Variants in ARB2A observed in about 807,000 individuals in gnomAD.
ARB2A encodes ARB2 cotranscriptional regulator A, also known as cotranscriptional regulator ARB2A.
At chr5:94,073,722 G>A in the ARB2A span, among the ~76,000 whole-genome samples, 31 of 152,060 alleles carry the variant, frequency 2.0e-4, no homozygotes, top group Non-Finnish European at 3.5e-4. Flanking sequence ...TATTCTGAGC[G>A]TGCTGGATCC....
At chr5:93,794,192 T>C in the ARB2A span, among the ~76,000 whole-genome samples, 1 of 152,092 alleles carries the variant, frequency 6.6e-6, no homozygotes, top group Non-Finnish European at 1.5e-5. Context: ...AGTTCTTTCT[T>C]CTGCTTGTTT....
the ARB2A span, among the ~76,000 whole-genome samples, chr5:94,021,895 C>T: frequency 7.9e-5 from 12 of 152,098 alleles, no homozygotes; most frequent in Non-Finnish European, 1.8e-4. Flanking sequence ...ATGGGAAAAC[C>T]CCATCTCTAC....
At chr5:93,927,491 C>T in the ARB2A span, among the ~76,000 whole-genome samples, 1 of 152,128 alleles carries the variant, frequency 6.6e-6, no homozygotes, top group Non-Finnish European at 1.5e-5. Context: ...CTTCTCTGCT[C>T]CTCAGTACCG....
the ARB2A span, among the ~76,000 whole-genome samples, chr5:93,889,114 A>G: frequency 6.3e-4 from 95 of 151,876 alleles, no homozygotes; most frequent in East Asian, 0.017. Flanking sequence ...GGGAAATGTG[A>G]AAAGGAAAAA....
the ARB2A span, among the ~76,000 whole-genome samples, chr5:93,876,950 CAACT>C: frequency 6.6e-6 from 1 of 152,004 alleles, no homozygotes; most frequent in Non-Finnish European, 1.5e-5. Context: ...TAGGCAACAC[CAACT>C]ATCTTACATA....
chr5:93,829,789 A>G, the ARB2A span, among the ~76,000 whole-genome samples: 1 of 152,208 alleles, frequency 6.6e-6, no homozygotes, highest in South Asian at 2.1e-4. Flanking sequence ...TTGATAATTT[A>G]TCTTTCATTA....
chr5:93,956,813 C>T, the ARB2A span, among the ~76,000 whole-genome samples: 1 of 152,042 alleles, frequency 6.6e-6, no homozygotes, highest in African/African-American at 2.4e-5. Context: ...GAAGAAAACA[C>T]TATGAAAAGG....
the ARB2A span, among the ~76,000 whole-genome samples, chr5:94,068,933 G>T: frequency 6.6e-6 from 1 of 151,708 alleles, no homozygotes. Context: ...TACTCAGGAG[G>T]CTGAGACTAG....
chr5:94,092,628 C>T, the ARB2A span, among the ~76,000 whole-genome samples: 1 of 152,062 alleles, frequency 6.6e-6, no homozygotes, highest in Non-Finnish European at 1.5e-5. Context: ...TAATTAAATG[C>T]TTATAATTCA....
the ARB2A span, among the ~76,000 whole-genome samples, chr5:93,972,419 G>A: frequency 6.6e-6 from 1 of 150,948 alleles, no homozygotes; most frequent in African/African-American, 2.4e-5. Flanking sequence ...TACCCACAAG[G>A]GAAAAAAGAA....
At chr5:93,739,793 C>A in the ARB2A span, 5 of 151,960 alleles carry the variant, frequency 3.3e-5, no homozygotes, top group African/African-American at 1.2e-4. Context: ...TCCCAGGGAA[C>A]CAAATAGAGG....
At chr5:93,911,902 G>T in the ARB2A span, among the ~76,000 whole-genome samples, 1 of 151,462 alleles carries the variant, frequency 6.6e-6, no homozygotes, top group Non-Finnish European at 1.5e-5. Context: ...TAGCTCACTC[G>T]GATTGTGCTT....
the ARB2A span, among the ~76,000 whole-genome samples, chr5:94,084,921 G>A: frequency 6.6e-6 from 1 of 152,100 alleles, no homozygotes; most frequent in Non-Finnish European, 1.5e-5. Flanking sequence ...ACCTCTTAGG[G>A]AAAAATACAG....
At chr5:93,755,931 G>A in the ARB2A span, among the ~76,000 whole-genome samples, 1 of 152,218 alleles carries the variant, frequency 6.6e-6, no homozygotes, top group African/African-American at 2.4e-5. Context: ...CCACAAGCGA[G>A]AACCAAGCCC....
chr5:94,078,332 T>C, the ARB2A span, among the ~76,000 whole-genome samples: 1 of 152,152 alleles, frequency 6.6e-6, no homozygotes, highest in Non-Finnish European at 1.5e-5. Context: ...AAGTTCAAAA[T>C]AGCCTACTTG....
chr5:93,762,511 A>C, the ARB2A span, among the ~76,000 whole-genome samples: 1 of 152,222 alleles, frequency 6.6e-6, no homozygotes, highest in African/African-American at 2.4e-5. Flanking sequence ...CAAAAGAGTA[A>C]AAAGAAATGA....
At chr5:93,952,440 T>C in the ARB2A span, among the ~76,000 whole-genome samples, 16 of 152,328 alleles carry the variant, frequency 1.1e-4, no homozygotes, top group African/African-American at 3.8e-4. Flanking sequence ...CCAGATATAG[T>C]ATTCTAGGGT....
At chr5:93,937,244 C>T in the ARB2A span, among the ~76,000 whole-genome samples, 12 of 150,964 alleles carry the variant, frequency 7.9e-5, no homozygotes, top group African/African-American at 2.9e-4. Context: ...AGGGAATATC[C>T]AATTGCGTGT....
the ARB2A span, among the ~76,000 whole-genome samples, chr5:94,035,835 A>G: frequency 6.6e-6 from 1 of 152,118 alleles, no homozygotes; most frequent in South Asian, 2.1e-4. Flanking sequence ...GGAGGAGAAC[A>G]TCACAAACCA....
Sources: gnomAD v4.1 joint callset for allele counts (sites outside exome capture counted in the v4.1 genomes callset) on GRCh38, gnomAD v4.1.1 for gene constraint, MANE v1.5 for transcripts, NCBI Gene and HGNC (gene_info 2026-07-23, HGNC 2026-07-21) for gene names.